The following DSCAM variants were observed in gnomAD, a reference collection of about 807,000 sequenced individuals.
The protein encoded by DSCAM is DS cell adhesion molecule, also known as cell adhesion molecule DSCAM.
DSCAM carries 47 observed loss-of-function variants against 217.7 expected under a neutral mutation model. The observed-to-expected ratio is 0.22, with a 90% CI of 0.17 to 0.28. The LOEUF (loss-of-function observed/expected upper bound fraction) is 0.28. Ranked by LOEUF, DSCAM falls within the 10% of genes least tolerant of loss-of-function variation. The pLI, the probability that DSCAM is intolerant of heterozygous loss-of-function variation, is 1.00. For missense variants in DSCAM, 2,080 were observed against 2,618.3 expected (o/e 0.79, Z 4.49); for synonymous variants, 1,056 against 1,015.3 (o/e 1.04, Z -0.76).
chr21:40,128,116 C>T (rs920994892), intron 19 of DSCAM, among the ~76,000 whole-genome samples: 8 of 151,306 alleles, frequency 5.3e-5, no homozygotes, highest in Non-Finnish European at 4.4e-5. Context: ...GCACTTGACA[C>T]AGTCCACTCA....
intron 3 of DSCAM, among the ~76,000 whole-genome samples, chr21:40,372,125 CATT>C (rs2074905061): frequency 6.6e-6 from 1 of 152,180 alleles, no homozygotes; most frequent in East Asian, 1.9e-4. Flanking sequence ...ACAGCTAAGT[CATT>C]AGAGCACCAA....
At chr21:40,371,260 A>G (rs2074895386) in intron 3 of DSCAM, among the ~76,000 whole-genome samples, 1 of 152,172 alleles carries the variant, frequency 6.6e-6, no homozygotes, top group African/African-American at 2.4e-5. Context: ...AACTAAAAAT[A>G]CCTTTTACCA....
At chr21:40,682,340 T>C (rs991057757) in intron 3 of DSCAM, among the ~76,000 whole-genome samples, 4 of 151,816 alleles carry the variant, frequency 2.6e-5, no homozygotes, top group African/African-American at 9.7e-5. Context: ...TTGACATACA[T>C]TTCTGAGAGG....
chr21:40,612,734 G>A (rs1355260036), intron 3 of DSCAM, among the ~76,000 whole-genome samples: 1 of 152,154 alleles, frequency 6.6e-6, no homozygotes, highest in Non-Finnish European at 1.5e-5. Flanking sequence ...GTGTGGAGAT[G>A]GACAAACTGC....
chr21:40,440,717 CTGAGTCTTGGCTGTGTGTGACA>C (rs376984773), intron 3 of DSCAM, among the ~76,000 whole-genome samples: 64,530 of 83,396 alleles, frequency 0.77, 24,471 homozygotes, highest in Middle Eastern at 0.85. Context: ...AGGCCCAGGT[CTGAGTCTTGGCTGTGTGTGACA>C]TGAGTCTTGG....
intron 2 of DSCAM, 102 bp from the exon 3 acceptor site, chr21:40,693,058 G>A (rs1277483377): frequency 1.9e-5 from 25 of 1,292,096 alleles, no homozygotes; most frequent in Non-Finnish European, 2.6e-5. Context: ...CACATCAATT[G>A]CATAACATAT....
At chr21:40,234,554 T>C (rs1158202582) in intron 11 of DSCAM, among the ~76,000 whole-genome samples, 1 of 152,200 alleles carries the variant, frequency 6.6e-6, no homozygotes. Flanking sequence ...ATATGAAAAT[T>C]CTGTGACCAT....
At chr21:40,555,396 T>C (rs2076663167) in intron 3 of DSCAM, among the ~76,000 whole-genome samples, 1 of 152,210 alleles carries the variant, frequency 6.6e-6, no homozygotes, top group South Asian at 2.1e-4. Flanking sequence ...CCCAATGATA[T>C]GTCATTTCCA....
chr21:40,246,873 A>G (rs1306523842), intron 11 of DSCAM, among the ~76,000 whole-genome samples: 1 of 152,140 alleles, frequency 6.6e-6, no homozygotes, highest in East Asian at 1.9e-4. Flanking sequence ...TGAATGTATT[A>G]GTCCATTTTC....
intron 3 of DSCAM, among the ~76,000 whole-genome samples, chr21:40,570,847 A>T (rs1038815941): frequency 6.6e-6 from 1 of 152,326 alleles, no homozygotes; most frequent in Non-Finnish European, 1.5e-5. Flanking sequence ...GAAATTAAAC[A>T]TGAAAAAAAT....
intron 3 of DSCAM, among the ~76,000 whole-genome samples, chr21:40,418,084 G>C (rs926763697): frequency 6.6e-6 from 1 of 152,148 alleles, no homozygotes; most frequent in African/African-American, 2.4e-5. Context: ...AGTACGATAG[G>C]GGATTAGAGG....
intron 16 of DSCAM, among the ~76,000 whole-genome samples, chr21:40,162,596 TG>T (rs1171959558): frequency 1.3e-5 from 2 of 152,254 alleles, no homozygotes; most frequent in Non-Finnish European, 2.9e-5. Context: ...CTCAATTAGC[TG>T]GAATTATTGG....
intron 11 of DSCAM, among the ~76,000 whole-genome samples, chr21:40,250,514 C>T (rs2073288743): frequency 6.6e-6 from 1 of 152,148 alleles, no homozygotes; most frequent in African/African-American, 2.4e-5. Flanking sequence ...TGATAGATGG[C>T]CTGCTAATAC....
intron 1 of DSCAM, among the ~76,000 whole-genome samples, chr21:40,766,689 C>CA (rs2091395225): frequency 2.0e-5 from 1 of 49,418 alleles, no homozygotes. Context: ...AAAAAAAAAA[C>CA]AACTTTTTTT....
intron 3 of DSCAM, among the ~76,000 whole-genome samples, chr21:40,415,343 C>G (rs2075360794): frequency 6.6e-6 from 1 of 152,228 alleles, no homozygotes; most frequent in Non-Finnish European, 1.5e-5. Flanking sequence ...GTCTCTTTAA[C>G]AGAGCGTGCC....
intron 32 of DSCAM, among the ~76,000 whole-genome samples, chr21:40,017,104 A>C (rs932491375): frequency 2.8e-4 from 28 of 99,444 alleles, no homozygotes; most frequent in African/African-American, 1.6e-3. Flanking sequence ...ACTCCATCTC[A>C]AAAAAAAAAA....
At chr21:40,489,788 A>AAAAT (rs1568847576) in intron 3 of DSCAM, among the ~76,000 whole-genome samples, 2 of 150,250 alleles carry the variant, frequency 1.3e-5, no homozygotes, top group Non-Finnish European at 3.0e-5. Flanking sequence ...AAAAAAAAAA[A>AAAAT]AAAAAAAAAA....
intron 20 of DSCAM, among the ~76,000 whole-genome samples, chr21:40,110,894 TC>T (rs1429267573): frequency 1.3e-5 from 2 of 152,192 alleles, no homozygotes; most frequent in Non-Finnish European, 2.9e-5. Context: ...GAACAAAGCC[TC>T]CAAGAAATAT....
intron 3 of DSCAM, among the ~76,000 whole-genome samples, chr21:40,457,345 C>G (rs1483288585): frequency 6.6e-6 from 1 of 152,016 alleles, no homozygotes; most frequent in African/African-American, 2.4e-5. Flanking sequence ...AACTCCATCT[C>G]TACCAAAATA....
Sources: allele counts gnomAD v4.1 joint callset (sites outside exome capture counted in the v4.1 genomes callset), GRCh38; gene constraint gnomAD v4.1.1; transcripts MANE v1.5; gene names NCBI Gene and HGNC (gene_info 2026-07-23, HGNC 2026-07-21).